GATA4: variants seen among roughly 807,000 people sequenced by gnomAD.
GATA4 encodes transcription factor GATA-4.
Under a neutral mutation model 37.9 loss-of-function variants are expected in GATA4, and 7 were observed. The ratio of observed to expected loss-of-function variants is 0.18; its 90% CI spans 0.11 to 0.35. The LOEUF (loss-of-function observed/expected upper bound fraction) is 0.35, where lower values mean the gene tolerates loss of function less well. Ranked by LOEUF, GATA4 falls within the 10% of genes least tolerant of loss-of-function variation. The pLI, the probability that GATA4 is intolerant of heterozygous loss-of-function variation, is 1.00. For missense variants in GATA4, 647 were observed against 653.0 expected (o/e 0.99, Z 0.10); for synonymous variants, 372 against 292.6 (o/e 1.27, Z -2.77).
chr8:11,709,478 G>A lies in GATA4; in HGVS notation c.616+550G>A, dbSNP rs566514107. ...GGGGTCTCACACCGAGAACAAAGGA[G>A]GGATGGACAAAGGAGACGCCGGGGA... is the stretch of plus-strand genomic sequence containing the variant. On this transcript the variant is annotated intron_variant, in intron 2 of 6. Coordinates refer to ENST00000532059, the MANE Select transcript of GATA4 (RefSeq NM_001308093.3). This position sits in a 1 kb window ranked among gnomAD's most constrained non-coding sequence, Gnocchi z 4.3. Among the ~76,000 whole-genome samples, 3 of 151,560 alleles carry A rather than the reference G, an allele frequency of 2.0e-5. No individual in the cohort carries two copies. The highest frequency in any genetic ancestry group is 4.2e-4 in the South Asian group (2 of 4,766).
upstream of GATA4, among the ~76,000 whole-genome samples, chr8:11,689,052 A>G (rs1272118956): frequency 6.6e-6 from 1 of 152,214 alleles, no homozygotes; most frequent in Non-Finnish European, 1.5e-5. Flanking sequence ...TTCAATATAA[A>G]TAACAAAGCA....
chr8:11,711,193 T>C (rs532303468), intron 2 of GATA4, among the ~76,000 whole-genome samples: 42 of 152,340 alleles, frequency 2.8e-4, no homozygotes, highest in Middle Eastern at 6.8e-3. Context: ...AGGTTGCTGA[T>C]GAAGTGATGT....
intron 2 of GATA4, among the ~76,000 whole-genome samples, chr8:11,717,779 G>A (rs1172890035): frequency 1.3e-5 from 2 of 152,274 alleles, no homozygotes; most frequent in East Asian, 3.9e-4. Flanking sequence ...GTCGTCCTAC[G>A]GAATCTTCCG....
chr8:11,735,352 A>G (rs1210594010), intron 2 of GATA4, among the ~76,000 whole-genome samples: 1 of 152,268 alleles, frequency 6.6e-6, no homozygotes, highest in Non-Finnish European at 1.5e-5. Context: ...ACTAAATTCA[A>G]TATAGTGATT....
At chr8:11,710,549 T>C (rs1441372344) in intron 2 of GATA4, among the ~76,000 whole-genome samples, 1 of 145,150 alleles carries the variant, frequency 6.9e-6, no homozygotes, top group Non-Finnish European at 1.5e-5. Flanking sequence ...AAATTAGCGG[T>C]CGTGGTGGCG....
upstream of GATA4, among the ~76,000 whole-genome samples, chr8:11,689,608 C>A (rs1799247762): frequency 6.6e-6 from 1 of 152,160 alleles, no homozygotes; most frequent in South Asian, 2.1e-4. Flanking sequence ...CTTGGTTTAT[C>A]CCCACTCTAA....
At chr8:11,717,778 C>A (rs372161292) in intron 2 of GATA4, among the ~76,000 whole-genome samples, 2 of 152,198 alleles carry the variant, frequency 1.3e-5, no homozygotes, top group South Asian at 4.1e-4. Flanking sequence ...TGTCGTCCTA[C>A]GGAATCTTCC....
chr8:11,753,537 AGGGGGAGATTCTTC>A (rs1802405266), intron 4 of GATA4, among the ~76,000 whole-genome samples: 1 of 147,636 alleles, frequency 6.8e-6, no homozygotes, highest in African/African-American at 2.5e-5. Flanking sequence ...GATTAACGTG[AGGGGGAGATTCTTC>A]TGAGGCCAGA....
chr8:11,748,862 A>G, intron 2 of GATA4, 54 bp from the exon 3 acceptor site: 2 of 1,597,338 alleles, frequency 1.3e-6, no homozygotes, highest in South Asian at 1.1e-5. Flanking sequence ...AGAGCTGGGC[A>G]TAAACAAAGA....
intron 2 of GATA4, among the ~76,000 whole-genome samples, chr8:11,746,056 G>A (rs1289720698): frequency 6.6e-6 from 1 of 152,124 alleles, no homozygotes; most frequent in Non-Finnish European, 1.5e-5. Context: ...GAGGCAGGAG[G>A]ATCACTTGAA....
chr8:11,714,904 TA>T (rs1467777706), intron 2 of GATA4, among the ~76,000 whole-genome samples: 1 of 152,190 alleles, frequency 6.6e-6, no homozygotes, highest in Non-Finnish European at 1.5e-5. Context: ...TTAGGTGTAG[TA>T]GCCATAAAAT....
At chr8:11,697,600 C>A in intron 1 of GATA4, 3 of 985,378 alleles carry the variant, frequency 3.0e-6, no homozygotes, top group Non-Finnish European at 3.6e-6. Flanking sequence ...TCGCCTGCGC[C>A]GAGGATGGCC....
At chr8:11,678,233 A>G (rs1798845104) in intron 1 of GATA4, among the ~76,000 whole-genome samples, 1 of 152,022 alleles carries the variant, frequency 6.6e-6, no homozygotes, top group East Asian at 1.9e-4. Context: ...AGGACCCAGC[A>G]AGCGCTCTTC....
rs1260819666 is a variant in GATA4, at chr8:11,709,515, C to G, written c.616+587C>G. Among the ~76,000 whole-genome samples the G allele has an allele frequency of 7.1e-6, 1 of 140,314 alleles. No homozygotes were observed. The highest frequency in any genetic ancestry group is 1.5e-5 in the Non-Finnish European group (1 of 66,226). 92.1% of individuals were successfully genotyped at this position (140,314 alleles called of 152,430 possible). On this transcript the variant is annotated intron_variant, in intron 2 of 6. Coordinates refer to ENST00000532059, the MANE Select transcript of GATA4 (RefSeq NM_001308093.3). The surrounding 1 kb of genome is among the most constrained non-coding windows in gnomAD (Gnocchi z 4.3). ...GGAGACGCCGGGGAGATGCGCGGAACAGGAGCCGGCACTGTGCGGGTGCCA... is the reference window on the plus strand; with the variant it reads ...GGAGACGCCGGGGAGATGCGCGGAAGAGGAGCCGGCACTGTGCGGGTGCCA...
intron 2 of GATA4, among the ~76,000 whole-genome samples, chr8:11,734,173 A>T (rs1014857138): frequency 1.3e-5 from 2 of 152,222 alleles, no homozygotes; most frequent in African/African-American, 2.4e-5. Flanking sequence ...TATATCCTAG[A>T]TACACTTTTC....
In GATA4 at chr8:11,709,468, G is replaced by C. The variant is rs1800063392; in HGVS notation, c.616+540G>C. The stretch of plus-strand genomic sequence containing the variant: ...TTTCCCGTCGGGGGTCTCACACCGA[G>C]AACAAAGGAGGGATGGACAAAGGAG... On this transcript the variant is annotated intron_variant, in intron 2 of 6. Coordinates refer to ENST00000532059, the MANE Select transcript of GATA4 (RefSeq NM_001308093.3). This position sits in a 1 kb window ranked among gnomAD's most constrained non-coding sequence, Gnocchi z 4.3. 6.6e-6 allele frequency among the ~76,000 whole-genome samples: 1 copy of C among 151,420 alleles called. No individual in the cohort carries two copies. Among genetic ancestry groups the C allele is most frequent in the Non-Finnish European group, 1.5e-5 (1 of 67,860 alleles).
At chr8:11,739,766 CGGA>C (rs34559540) in intron 2 of GATA4, among the ~76,000 whole-genome samples, 78,810 of 137,776 alleles carry the variant, frequency 0.57, 21,921 homozygotes, top group Middle Eastern at 0.67. Context: ...CTGTCGTGTG[CGGA>C]GGAGTTTCTG....
At chr8:11,742,305 C>T (rs751656839) in intron 2 of GATA4, among the ~76,000 whole-genome samples, 1 of 152,078 alleles carries the variant, frequency 6.6e-6, no homozygotes, top group African/African-American at 2.4e-5. Flanking sequence ...TGTATTTTCC[C>T]CTATCATTTG....
chr8:11,684,296 C>A (rs1282017791), intron 1 of GATA4, among the ~76,000 whole-genome samples: 1 of 152,208 alleles, frequency 6.6e-6, no homozygotes, highest in Non-Finnish European at 1.5e-5. Context: ...ATTCTAGTTC[C>A]CACACAAACA....
Sources: gnomAD v4.1 joint callset for allele counts (sites outside exome capture counted in the v4.1 genomes callset) on GRCh38, gnomAD v4.1.1 for gene constraint, Gnocchi (gnomAD v3.1) non-coding constraint, MANE v1.5 for transcripts, NCBI Gene and HGNC (gene_info 2026-07-23, HGNC 2026-07-21) for gene names.